RPH3A: variants seen among roughly 807,000 people sequenced by gnomAD.
RPH3A encodes rabphilin 3A.
A neutral mutation model predicts 102.2 loss-of-function variants in RPH3A; 48 were observed. That is an observed-to-expected ratio of 0.47 (90% CI 0.37 to 0.60). The LOEUF is 0.60. RPH3A is among the 20% of genes least tolerant of loss of function. The pLI, the probability that RPH3A is intolerant of heterozygous loss-of-function variation, is 0.00. For synonymous variants in RPH3A, 310 were observed against 324.3 expected, an observed-to-expected ratio of 0.96 and a Z score of 0.47; for missense variants, 781 against 910.1, an observed-to-expected ratio of 0.86 and a Z score of 1.83.
intron 2 of RPH3A, among the ~76,000 whole-genome samples, chr12:112,820,073 C>T (rs373571258): frequency 5.3e-5 from 8 of 152,282 alleles, no homozygotes; most frequent in African/African-American, 1.9e-4. Context: ...CAATTCACCC[C>T]ATCTGCAGTG....
At chr12:112,833,549 A>G (rs1029897878) in intron 3 of RPH3A, among the ~76,000 whole-genome samples, 1 of 73,570 alleles carries the variant, frequency 1.4e-5, no homozygotes, top group African/African-American at 5.5e-5. Context: ...GGTCATCCAG[A>G]AACACTTTAG....
intron 1 of RPH3A, among the ~76,000 whole-genome samples, chr12:112,694,504 C>T (rs1413604029): frequency 6.6e-6 from 1 of 151,834 alleles, no homozygotes; most frequent in Non-Finnish European, 1.5e-5. Flanking sequence ...CTGAGATTGT[C>T]ATGCAGCAGC....
intron 1 of RPH3A, among the ~76,000 whole-genome samples, chr12:112,721,907 C>T (rs775209772): frequency 6.6e-6 from 1 of 151,702 alleles, no homozygotes; most frequent in Non-Finnish European, 1.5e-5. Flanking sequence ...GTTCCATTAA[C>T]AAAAGAAAAA....
At chr12:112,891,045 T>TC (rs745433234) in intron 19 of RPH3A, 42 bp downstream of exon 19, 7 of 1,605,730 alleles carry the variant, frequency 4.4e-6, no homozygotes, top group Non-Finnish European at 6.0e-6. Flanking sequence ...CCTGAAGGAG[T>TC]CCTGGAGCCT....
intron 1 of RPH3A, among the ~76,000 whole-genome samples, chr12:112,736,167 G>A (rs1046057079): frequency 2.6e-5 from 4 of 152,090 alleles, no homozygotes; most frequent in African/African-American, 9.7e-5. Context: ...AGCTTTCCTG[G>A]GCATTGTAAG....
At chr12:112,827,710 G>A (rs1191542471) in intron 2 of RPH3A, among the ~76,000 whole-genome samples, 1 of 152,006 alleles carries the variant, frequency 6.6e-6, no homozygotes, top group Non-Finnish European at 1.5e-5. Flanking sequence ...GGGACACATG[G>A]ACACAGGAAA....
chr12:112,733,137 G>A (rs2040645527), intron 1 of RPH3A, among the ~76,000 whole-genome samples: 1 of 152,102 alleles, frequency 6.6e-6, no homozygotes, highest in South Asian at 2.1e-4. Context: ...TCAAGCATGA[G>A]CCTGTGCTAC....
intron 1 of RPH3A, among the ~76,000 whole-genome samples, chr12:112,678,277 GAAAGAA>G (rs2040197382): frequency 5.2e-5 from 4 of 76,394 alleles, no homozygotes; most frequent in African/African-American, 1.3e-4. Flanking sequence ...AAGAAAGAAA[GAAAGAA>G]AGAAAGAAAG....
chr12:112,599,522 C>T (rs943871574), intron 1 of RPH3A, among the ~76,000 whole-genome samples: 6 of 152,094 alleles, frequency 3.9e-5, no homozygotes, highest in Non-Finnish European at 5.9e-5. Flanking sequence ...TGACCCTGCC[C>T]TGGGCACAGG....
At chr12:112,631,061 G>C (rs2039800417) in intron 1 of RPH3A, among the ~76,000 whole-genome samples, 1 of 152,088 alleles carries the variant, frequency 6.6e-6, no homozygotes, top group South Asian at 2.1e-4. Flanking sequence ...ATGACTCCCA[G>C]CTTGCATCTA....
chr12:112,678,323 AAG>A lies in RPH3A; in HGVS notation c.-140+103006_-140+103007del, dbSNP rs1491292604. Among the ~76,000 whole-genome samples the A allele has an allele frequency of 8.2e-4, 66 of 80,794 alleles. 18 individuals carry two copies. The highest frequency in any genetic ancestry group is 1.7e-3 in the Non-Finnish European group (61 of 35,338). 53.0% of individuals were successfully genotyped at this position (80,794 alleles called of 152,430 possible). A position where few individuals can be genotyped will look rare whatever the true frequency, so the allele number is the denominator to read the frequency against. The stretch of plus-strand genomic sequence containing the variant: ...AAAGAAAGAGAGAGAGAGAGAAAGA[AAG>A]AAAGAAGGAAGGAAGGAAGGAAGGA... On this transcript the variant is annotated intron_variant, in intron 1 of 21. Coordinates refer to the RPH3A transcript ENST00000543106.
intron 17 of RPH3A, among the ~76,000 whole-genome samples, chr12:112,889,484 A>G (rs1383857973): frequency 6.6e-6 from 1 of 152,250 alleles, no homozygotes; most frequent in East Asian, 1.9e-4. Flanking sequence ...AACTTCCCCC[A>G]TTATGTCCCA....
chr12:112,696,744 G>T (rs2040354989), intron 1 of RPH3A, among the ~76,000 whole-genome samples: 1 of 152,148 alleles, frequency 6.6e-6, no homozygotes, highest in Non-Finnish European at 1.5e-5. Flanking sequence ...AAATGGTGAG[G>T]TAATTCTTTC....
intron 1 of RPH3A, among the ~76,000 whole-genome samples, chr12:112,701,064 T>G (rs2040390221): frequency 6.6e-6 from 1 of 152,170 alleles, no homozygotes; most frequent in African/African-American, 2.4e-5. Flanking sequence ...TCCTTCTCCC[T>G]CCATCTTGTA....
intron 1 of RPH3A, among the ~76,000 whole-genome samples, chr12:112,753,612 A>G (rs993337768): frequency 6.6e-6 from 1 of 152,144 alleles, no homozygotes; most frequent in Non-Finnish European, 1.5e-5. Context: ...TCTGCAGAGA[A>G]GTATGCTCCT....
At chr12:112,823,816 C>T (rs1243146059) in intron 2 of RPH3A, among the ~76,000 whole-genome samples, 1 of 152,180 alleles carries the variant, frequency 6.6e-6, no homozygotes, top group Non-Finnish European at 1.5e-5. Flanking sequence ...TAGACTTTCT[C>T]CATTTCTGTT....
chr12:112,810,660 C>T lies in RPH3A; in HGVS notation c.-18-17641C>T, dbSNP rs148043098. ...GGAGAAGCTGGCCCAAAAACAACCC[C>T]TAAGTATGGTATGTTGTATGTTCCT... On this transcript the variant is annotated intron_variant, in intron 2 of 21. Transcript: ENST00000389385. Among the ~76,000 whole-genome samples the T allele has an allele frequency of 4.6e-5, 7 of 152,302 alleles. No homozygotes were observed. The East Asian group carries it at 9.6e-4, about 21-fold the overall frequency.
intron 1 of RPH3A, among the ~76,000 whole-genome samples, chr12:112,770,823 C>A (rs752789919): frequency 2.0e-5 from 3 of 152,152 alleles, no homozygotes; most frequent in Non-Finnish European, 4.4e-5. Flanking sequence ...TTGGGATACC[C>A]CCAACGGTAG....
intron 1 of RPH3A, among the ~76,000 whole-genome samples, chr12:112,609,003 C>T (rs78341629): frequency 0.012 from 1,852 of 152,276 alleles, 107 homozygotes; most frequent in Admixed American, 0.088. Context: ...ATACTAGCCA[C>T]GTTTCAAGTA....
Sources: allele counts gnomAD v4.1 joint callset (sites outside exome capture counted in the v4.1 genomes callset), GRCh38; gene constraint gnomAD v4.1.1; transcripts MANE v1.5; gene names NCBI Gene and HGNC (gene_info 2026-07-23, HGNC 2026-07-21).